Variants in SH3GL2 observed in about 807,000 individuals in gnomAD.
The protein encoded by SH3GL2 is endophilin-A1.
A neutral mutation model predicts 46.0 loss-of-function variants in SH3GL2; 24 were observed. The observed-to-expected ratio is 0.52, with a 90% CI of 0.38 to 0.73. The LOEUF (loss-of-function observed/expected upper bound fraction) is 0.73. Ranked by LOEUF, SH3GL2 falls within the 30% of genes least tolerant of loss-of-function variation. The pLI is 0.00. For synonymous variants in SH3GL2, 196 were observed against 147.1 expected, an observed-to-expected ratio of 1.33 and a Z score of -2.40; for missense variants, 413 against 424.2, an observed-to-expected ratio of 0.97 and a Z score of 0.23.
chr9:17,582,660 G>A (rs1028107731), intron 1 of SH3GL2, among the ~76,000 whole-genome samples: 2 of 152,236 alleles, frequency 1.3e-5, no homozygotes, highest in Non-Finnish European at 2.9e-5. Flanking sequence ...TGGAGCTGCT[G>A]TAACAAAGTA....
At chr9:17,582,326 AT>A (rs1818293075) in intron 1 of SH3GL2, among the ~76,000 whole-genome samples, 2 of 152,260 alleles carry the variant, frequency 1.3e-5, no homozygotes, top group African/African-American at 4.8e-5. Flanking sequence ...TTAATTGCTC[AT>A]AAAGATATAA....
intron 1 of SH3GL2, among the ~76,000 whole-genome samples, chr9:17,729,363 G>A (rs879030750): frequency 2.0e-5 from 3 of 151,942 alleles, no homozygotes; most frequent in Non-Finnish European, 4.4e-5. Context: ...CTGGATATTA[G>A]CCCTTTGTCA....
At chr9:17,594,877 A>T (rs557557611) in intron 1 of SH3GL2, among the ~76,000 whole-genome samples, 2 of 152,276 alleles carry the variant, frequency 1.3e-5, no homozygotes, top group African/African-American at 4.8e-5. Flanking sequence ...ATGTATATTT[A>T]AAAGGGGGTC....
Position 17,662,384 on chromosome 9 carries a change from G to C in SH3GL2, c.45+83097G>C, listed in dbSNP as rs996692287. Among the ~76,000 whole-genome samples the C allele has an allele frequency of 2.0e-5, 3 of 152,174 alleles. No individual in the cohort carries two copies. The South Asian group carries it at 6.2e-4, about 31-fold the overall frequency. ...AGAGAATAGCCAGCTTCATATAGGA[G>C]AAAATGTTCTCATGCTATGATTTCC... On this transcript the variant is annotated intron_variant, in intron 1 of 8. Coordinates refer to ENST00000380607, the MANE Select transcript of SH3GL2 (RefSeq NM_003026.5).
At chr9:17,793,905 C>T (rs9406736) in intron 8 of SH3GL2, among the ~76,000 whole-genome samples, 52,188 of 152,190 alleles carry the variant, frequency 0.34, 10,365 homozygotes, top group African/African-American at 0.55. Context: ...TGTGTCCCCA[C>T]ATGCATTCGC....
At chr9:17,629,201 G>A (rs1819364357) in intron 1 of SH3GL2, among the ~76,000 whole-genome samples, 1 of 152,170 alleles carries the variant, frequency 6.6e-6, no homozygotes, top group African/African-American at 2.4e-5. Context: ...CAAGGCCTTT[G>A]TGGCCCTCAT....
At chr9:17,593,122 G>T (rs1818514778) in intron 1 of SH3GL2, among the ~76,000 whole-genome samples, 1 of 152,164 alleles carries the variant, frequency 6.6e-6, no homozygotes, top group Non-Finnish European at 1.5e-5. Context: ...TCTTCCATCT[G>T]GCTGTTCATC....
At chr9:17,780,482 A>AT (rs59714232) in intron 3 of SH3GL2, among the ~76,000 whole-genome samples, 23,401 of 147,704 alleles carry the variant, frequency 0.16, 2,311 homozygotes, top group Middle Eastern at 0.26. Context: ...TTTTTTTTTA[A>AT]TTTTTTTTTT....
intron 1 of SH3GL2, among the ~76,000 whole-genome samples, chr9:17,624,994 T>C (rs1819247781): frequency 6.6e-6 from 1 of 152,128 alleles, no homozygotes; most frequent in African/African-American, 2.4e-5. Flanking sequence ...GAGATGAAAA[T>C]TGTTCTTCTA....
At chr9:17,715,142 AT>A (rs1226340332) in intron 1 of SH3GL2, among the ~76,000 whole-genome samples, 1 of 136,106 alleles carries the variant, frequency 7.3e-6, no homozygotes, top group Non-Finnish European at 1.6e-5. Context: ...GGTATTTAAG[AT>A]TTTTTTCCTT....
intron 1 of SH3GL2, among the ~76,000 whole-genome samples, chr9:17,600,681 A>G (rs904084887): frequency 1.3e-5 from 2 of 152,208 alleles, no homozygotes; most frequent in Admixed American, 6.5e-5. Context: ...TGAACATGCT[A>G]ACTGGTTCAA....
intron 1 of SH3GL2, among the ~76,000 whole-genome samples, chr9:17,739,680 A>T (rs144578830): frequency 2.9e-4 from 44 of 152,300 alleles, no homozygotes; most frequent in Non-Finnish European, 5.1e-4. Context: ...CAAAAACAGG[A>T]AACCTTGCAA....
intron 1 of SH3GL2, among the ~76,000 whole-genome samples, chr9:17,604,734 C>G (rs1194237530): frequency 6.6e-6 from 1 of 152,104 alleles, no homozygotes; most frequent in African/African-American, 2.4e-5. Flanking sequence ...TCACTGCAGC[C>G]TGGAGGGCTG....
chr9:17,700,440 G>T (rs748803644), intron 1 of SH3GL2, among the ~76,000 whole-genome samples: 7 of 152,208 alleles, frequency 4.6e-5, no homozygotes, highest in Non-Finnish European at 7.3e-5. Flanking sequence ...TGAAAAATCT[G>T]TGGGACTCTA....
intron 1 of SH3GL2, among the ~76,000 whole-genome samples, chr9:17,713,387 A>G (rs1054663229): frequency 1.3e-5 from 2 of 150,740 alleles, no homozygotes; most frequent in Non-Finnish European, 3.0e-5. Flanking sequence ...CTGTTTTTCT[A>G]TTTTTTATTT....
At chr9:17,743,006 G>C (rs1358441478) in intron 1 of SH3GL2, among the ~76,000 whole-genome samples, 1 of 152,166 alleles carries the variant, frequency 6.6e-6, no homozygotes, top group Non-Finnish European at 1.5e-5. Context: ...GTACTGTGAA[G>C]TGTCAATTTT....
At chr9:17,794,230 A>G (rs906538489) in intron 8 of SH3GL2, among the ~76,000 whole-genome samples, 5 of 151,974 alleles carry the variant, frequency 3.3e-5, no homozygotes, top group Admixed American at 6.6e-5. Flanking sequence ...GACATTTTCA[A>G]CCTCCACATT....
chr9:17,604,106 T>C (rs986577918), intron 1 of SH3GL2, among the ~76,000 whole-genome samples: 3 of 152,188 alleles, frequency 2.0e-5, no homozygotes, highest in African/African-American at 4.8e-5. Flanking sequence ...TCCTTAGACC[T>C]GTCATCTGCT....
At chr9:17,619,966 G>A (rs1320911585) in intron 1 of SH3GL2, among the ~76,000 whole-genome samples, 1 of 152,114 alleles carries the variant, frequency 6.6e-6, no homozygotes. Flanking sequence ...CTGATTCTGT[G>A]ATGTAGTATC....
Sources: allele counts gnomAD v4.1 joint callset (sites outside exome capture counted in the v4.1 genomes callset), GRCh38; gene constraint gnomAD v4.1.1; transcripts MANE v1.5; gene names NCBI Gene and HGNC (gene_info 2026-07-23, HGNC 2026-07-21).